ARHGEF10L: variants seen among roughly 807,000 people sequenced by gnomAD.
The protein encoded by ARHGEF10L is Rho guanine nucleotide exchange factor 10 like.
In ARHGEF10L, 69 loss-of-function variants were observed where a neutral mutation model predicts 141.2. That is an observed-to-expected ratio of 0.49 (90% CI 0.40 to 0.60). The LOEUF is 0.60. Among genes scored for constraint, ARHGEF10L ranks in the 20% least tolerant of loss-of-function variants. The pLI, the probability that ARHGEF10L is intolerant of heterozygous loss-of-function variation, is 0.00. For synonymous variants in ARHGEF10L, 711 were observed against 718.5 expected (o/e 0.99, Z 0.17); for missense variants, 1,482 against 1,734.3 (o/e 0.85, Z 2.58).
At chr1:17,522,866 GA>G in the ARHGEF10L span, among the ~76,000 whole-genome samples, 3 of 152,042 alleles carry the variant, frequency 2.0e-5, no homozygotes, top group Admixed American at 6.6e-5. Flanking sequence ...ATGGGAACAA[GA>G]GATTCTTAAG....
chr1:17,534,522 A>C, the ARHGEF10L span, among the ~76,000 whole-genome samples: 2 of 151,338 alleles, frequency 1.3e-5, no homozygotes, highest in Non-Finnish European at 1.5e-5. Context: ...CGGCCTCCCA[A>C]AGTGCTGGGA....
chr1:17,617,154 A>G (rs1377748371), intron 9 of ARHGEF10L, among the ~76,000 whole-genome samples: 1 of 152,264 alleles, frequency 6.6e-6, no homozygotes, highest in African/African-American at 2.4e-5. Context: ...AGGCTCTGTC[A>G]GCCTTGCTGG....
intron 1 of ARHGEF10L, among the ~76,000 whole-genome samples, chr1:17,552,866 T>C (rs1351064453): frequency 6.6e-6 from 1 of 152,156 alleles, no homozygotes; most frequent in East Asian, 1.9e-4. Flanking sequence ...AACCTGACCC[T>C]CTAACTCTGG....
the ARHGEF10L span, among the ~76,000 whole-genome samples, chr1:17,518,226 C>A: frequency 6.6e-6 from 1 of 152,182 alleles, no homozygotes; most frequent in Non-Finnish European, 1.5e-5. Context: ...AGTCTGGGAC[C>A]CTGAGGCCTC....
At chr1:17,557,617 A>T (rs978685273) in intron 1 of ARHGEF10L, among the ~76,000 whole-genome samples, 2 of 152,184 alleles carry the variant, frequency 1.3e-5, no homozygotes. Flanking sequence ...CGGAATCCCC[A>T]TGTTTGAAAA....
intron 4 of ARHGEF10L, among the ~76,000 whole-genome samples, chr1:17,593,108 T>C (rs1167699285): frequency 2.0e-5 from 3 of 152,112 alleles, no homozygotes; most frequent in South Asian, 2.1e-4. Context: ...ACTTGCAGGG[T>C]ACCTGGTTGG....
At chr1:17,522,093 G>T in the ARHGEF10L span, among the ~76,000 whole-genome samples, 1 of 152,124 alleles carries the variant, frequency 6.6e-6, no homozygotes, top group African/African-American at 2.4e-5. Flanking sequence ...CACTGTCAGG[G>T]TTTCCTTGGA....
chr1:17,601,049 C>CAAA (rs55806926), intron 4 of ARHGEF10L, among the ~76,000 whole-genome samples: 20 of 51,138 alleles, frequency 3.9e-4, no homozygotes, highest in African/African-American at 7.8e-4. Context: ...GGCTCTGTCT[C>CAAA]AAAAAAAAAA....
intron 26 of ARHGEF10L, among the ~76,000 whole-genome samples, chr1:17,667,902 G>A (rs1019418506): frequency 1.4e-4 from 21 of 152,166 alleles, no homozygotes; most frequent in Admixed American, 1.2e-3. Context: ...TTCCAACTCC[G>A]GGCAGCTGGC....
intron 26 of ARHGEF10L, 58 bp from the exon 27 acceptor site, chr1:17,687,515 T>TCAGCTGGC: frequency 6.3e-7 from 1 of 1,593,870 alleles, no homozygotes; most frequent in South Asian, 1.1e-5. Context: ...TGGGGGCTTG[T>TCAGCTGGC]AGGGAGGCTC....
chr1:17,575,884 G>A (rs2078201067), intron 1 of ARHGEF10L, among the ~76,000 whole-genome samples: 2 of 152,160 alleles, frequency 1.3e-5, no homozygotes, highest in South Asian at 4.1e-4. Context: ...CAGGAGGTGG[G>A]CCCTGCAGAG....
At position 17,671,207 on chromosome 1, in the gene ARHGEF10L, G is replaced by T. The variant is rs1293157587; in HGVS notation, c.3009+6612G>T. ...GCCGCCTGTGCAGGGCGGTCGCAGG[G>T]CCCTCGCAGGACTCTGCAGGAAGGT... On this transcript the variant is annotated intron_variant, in intron 26 of 28. Transcript: ENST00000361221. 7.2e-5 allele frequency among the ~76,000 whole-genome samples: 11 copies of T among 152,374 alleles called. No individual in the cohort carries two copies. In the South Asian group the frequency reaches 1.9e-3, roughly 26 times the overall value.
At chr1:17,517,826 A>G in the ARHGEF10L span, among the ~76,000 whole-genome samples, 1 of 151,954 alleles carries the variant, frequency 6.6e-6, no homozygotes, top group Non-Finnish European at 1.5e-5. Flanking sequence ...AAGCTTGGCT[A>G]ATTTTTTGTA....
Position 17,669,944 on chromosome 1 carries a change from C to T in ARHGEF10L, c.3009+5349C>T, listed in dbSNP as rs1196501938. ...AGGGGAGGCGGGATCCCAGAGGAGG[C>T]GAGAGGGGTGCCAGACCCAGCTGGA... On this transcript the variant is annotated intron_variant, in intron 26 of 28. Transcript: ENST00000361221. 2.4e-4 allele frequency among the ~76,000 whole-genome samples: 37 copies of T among 152,176 alleles called. 1 individual carries two copies. The highest frequency in any genetic ancestry group is 2.3e-3 in the Admixed American group (35 of 15,282).
chr1:17,697,321 G>T lies in ARHGEF10L; in HGVS notation c.3781G>T (p.Ala1261Ser). Reference protein sequence around the residue: ...GSALGSSGRQAPCGETDSTLL... With the variant: ...GSALGSSGRQSPCGETDSTLL... ...CGCTCTGGGCAGCAGTGGGAGGCAG[G>T]CCCCGTGTGGGGAGACGGACAGCAC... The change falls in exon 29 of 29, where the codon GCC becomes TCC. Residue 1261 changes from alanine to serine, a missense_variant. Ala to Ser is a moderately conservative substitution (Grantham distance 99). This residue lies in a region of ARHGEF10L where 858 missense variants were observed against 966.3 expected (regional missense o/e 0.89). Transcript: ENST00000361221. The surrounding 1 kb of genome is among the most constrained non-coding windows in gnomAD (Gnocchi z 4.8). 1 of 1,611,990 alleles carries T rather than the reference G, an allele frequency of 6.2e-7. No individual in the cohort carries two copies. The highest frequency in any genetic ancestry group is 1.7e-5 in the Admixed American group (1 of 59,990).
intron 26 of ARHGEF10L, among the ~76,000 whole-genome samples, chr1:17,684,218 G>T (rs556080316): frequency 1.5e-4 from 23 of 152,352 alleles, no homozygotes; most frequent in Non-Finnish European, 3.1e-4. Context: ...TCCCAGCAAG[G>T]CCTCATGGGA....
intron 4 of ARHGEF10L, among the ~76,000 whole-genome samples, chr1:17,596,967 A>T (rs1177375538): frequency 6.6e-6 from 1 of 152,090 alleles, no homozygotes; most frequent in Non-Finnish European, 1.5e-5. Context: ...CTTTGGAGAG[A>T]GAAGAGGTGG....
At chr1:17,618,338 G>C in intron 9 of ARHGEF10L, 1 of 1,531,482 alleles carries the variant, frequency 6.5e-7, no homozygotes, top group South Asian at 1.2e-5. Flanking sequence ...GGCAGGGCTC[G>C]AATCACAGGC....
At chr1:17,536,265 A>G (rs554814873), upstream of ARHGEF10L, among the ~76,000 whole-genome samples, 1 of 152,288 alleles carries the variant, frequency 6.6e-6, no homozygotes, top group East Asian at 1.9e-4. Context: ...GAATCACTTG[A>G]GCCCAGGAGT....
Sources: allele counts gnomAD v4.1 joint callset (sites outside exome capture counted in the v4.1 genomes callset), GRCh38; gene constraint gnomAD v4.1.1; regional missense constraint gnomAD v4.1.1; non-coding constraint Gnocchi (gnomAD v3.1); transcripts MANE v1.5; gene names NCBI Gene and HGNC (gene_info 2026-07-23, HGNC 2026-07-21).